The following ARMH3 variants were observed in gnomAD, a reference collection of about 807,000 sequenced individuals.
ARMH3 encodes armadillo-like helical domain-containing protein 3.
Under a neutral mutation model 99.1 loss-of-function variants are expected in ARMH3, and 60 were observed. The ratio of observed to expected loss-of-function variants is 0.61; its 90% CI spans 0.49 to 0.75. The LOEUF is 0.75. ARMH3 is among the 30% of genes least tolerant of loss of function. ARMH3 has a pLI of 0.00. For synonymous variants in ARMH3, 285 were observed against 292.8 expected (o/e 0.97, Z 0.27); for missense variants, 679 against 843.1 (o/e 0.81, Z 2.41).
At chr10:102,023,809 T>C (rs2136169574) in intron 6 of ARMH3, 60 bp from the exon 7 acceptor site, 2 of 1,456,262 alleles carry the variant, frequency 1.4e-6, no homozygotes, top group Non-Finnish European at 1.9e-6. Context: ...TCTTGTGTAA[T>C]CTCCTCCCCT....
chr10:101,950,095 G>A (rs925822751), intron 22 of ARMH3, among the ~76,000 whole-genome samples: 1 of 152,120 alleles, frequency 6.6e-6, no homozygotes, highest in Non-Finnish European at 1.5e-5. Flanking sequence ...TTGGACACAA[G>A]GCAAGTATGT....
Position 101,905,510 on chromosome 10 carries a change from A to C in ARMH3, c.1782-16020T>G, listed in dbSNP as rs573402387. 4.6e-5 allele frequency among the ~76,000 whole-genome samples: 7 copies of C among 152,372 alleles called. No individual in the cohort carries two copies. The South Asian group carries it at 1.4e-3, about 32-fold the overall frequency. Reference sequence around the variant, plus strand: ...ATCCAGGAAGCTTTCAAGGAAGGTTACATCTGGGCTAGATTTTGAAGCATA... The same window carrying C: ...ATCCAGGAAGCTTTCAAGGAAGGTTCCATCTGGGCTAGATTTTGAAGCATA... On this transcript the variant is annotated intron_variant, in intron 23 of 25. Transcript: ENST00000370033.
chr10:101,903,839 T>A (rs190223593), intron 23 of ARMH3, among the ~76,000 whole-genome samples: 41 of 152,344 alleles, frequency 2.7e-4, no homozygotes, highest in African/African-American at 9.1e-4. Flanking sequence ...CCTCTGCCTG[T>A]TGGGGTCCTG....
rs193041298 is a variant in ARMH3, at chr10:102,032,494, G to A, written c.306+532C>T. ...CGGCTCACTGCAACCTCCGCCTCCC[G>A]AGTTCAAGCAATTCTCCTGCCTCAA... On this transcript the variant is annotated intron_variant, in intron 4 of 25. Transcript: ENST00000370033. Among the ~76,000 whole-genome samples the A allele has an allele frequency of 1.4e-4, 22 of 152,196 alleles. No individual in the cohort carries two copies. The South Asian group carries it at 2.7e-3, about 19-fold the overall frequency.
chr10:102,048,968 T>G (rs1291164295), intron 1 of ARMH3, among the ~76,000 whole-genome samples: 1 of 152,160 alleles, frequency 6.6e-6, no homozygotes, highest in African/African-American at 2.4e-5. Flanking sequence ...GCCCCAGCCC[T>G]TCAAGCTATC....
At chr10:101,932,747 G>A (rs1843773397) in intron 23 of ARMH3, among the ~76,000 whole-genome samples, 1 of 152,202 alleles carries the variant, frequency 6.6e-6, no homozygotes, top group Non-Finnish European at 1.5e-5. Context: ...ATAATAGCCA[G>A]AGGCTGGGAG....
chr10:101,921,884 T>C (rs1289926232), intron 23 of ARMH3, among the ~76,000 whole-genome samples: 1 of 152,144 alleles, frequency 6.6e-6, no homozygotes, highest in African/African-American at 2.4e-5. Flanking sequence ...ATATAACATA[T>C]AGTTAGATAG....
chr10:101,999,743 A>C (rs1313037888), intron 15 of ARMH3, among the ~76,000 whole-genome samples: 1 of 152,272 alleles, frequency 6.6e-6, no homozygotes, highest in African/African-American at 2.4e-5. Flanking sequence ...TACATGTTAA[A>C]ATATTTATGT....
intron 20 of ARMH3, among the ~76,000 whole-genome samples, chr10:101,971,926 G>C (rs1194849777): frequency 6.6e-6 from 1 of 152,188 alleles, no homozygotes; most frequent in East Asian, 1.9e-4. Flanking sequence ...TCTATATGTG[G>C]TGAAAAACAG....
intron 24 of ARMH3, among the ~76,000 whole-genome samples, chr10:101,857,964 C>A (rs1047597369): frequency 2.0e-5 from 3 of 152,210 alleles, no homozygotes; most frequent in African/African-American, 2.4e-5. Context: ...CTGTCCCTAA[C>A]CTTGCAATTT....
At chr10:101,960,698 G>T (rs966404981) in intron 20 of ARMH3, among the ~76,000 whole-genome samples, 1 of 151,894 alleles carries the variant, frequency 6.6e-6, no homozygotes, top group Non-Finnish European at 1.5e-5. Flanking sequence ...AGACCAGCCC[G>T]GCCAAGATGG....
At chr10:101,951,598 G>A (rs1030060804) in intron 22 of ARMH3, among the ~76,000 whole-genome samples, 1 of 152,008 alleles carries the variant, frequency 6.6e-6, no homozygotes, top group Non-Finnish European at 1.5e-5. Flanking sequence ...CAGGCACAGT[G>A]GCTCACACCT....
intron 23 of ARMH3, among the ~76,000 whole-genome samples, chr10:101,935,561 T>G (rs1481966072): frequency 6.6e-6 from 1 of 152,160 alleles, no homozygotes; most frequent in Non-Finnish European, 1.5e-5. Flanking sequence ...AGACACTACC[T>G]TACAGTAGTC....
intron 2 of ARMH3, among the ~76,000 whole-genome samples, chr10:102,035,193 A>C (rs773900871): frequency 6.6e-6 from 1 of 151,938 alleles, no homozygotes; most frequent in Non-Finnish European, 1.5e-5. Flanking sequence ...TGGCTAACAC[A>C]GTGAAATAAA....
intron 24 of ARMH3, among the ~76,000 whole-genome samples, chr10:101,878,791 C>T (rs1031713717): frequency 6.6e-6 from 1 of 151,786 alleles, no homozygotes; most frequent in Admixed American, 6.6e-5. Context: ...TGTGTTACTG[C>T]ACTCCAGCCT....
intron 16 of ARMH3, among the ~76,000 whole-genome samples, chr10:101,993,814 AAAAATTTCCAAGC>A (rs1846925859): frequency 6.6e-6 from 1 of 152,228 alleles, no homozygotes; most frequent in African/African-American, 2.4e-5. Flanking sequence ...CTAACTGGTC[AAAAATTTCCAAGC>A]AAAAACAATA....
intron 20 of ARMH3, among the ~76,000 whole-genome samples, chr10:101,963,113 G>A: frequency 6.7e-6 from 1 of 149,874 alleles, no homozygotes; most frequent in Admixed American, 6.6e-5. Flanking sequence ...GGGATTACAG[G>A]AACCCATCAC....
chr10:101,871,646 G>A (rs1282328884), intron 24 of ARMH3, among the ~76,000 whole-genome samples: 1 of 152,132 alleles, frequency 6.6e-6, no homozygotes, highest in Non-Finnish European at 1.5e-5. Context: ...CATAAAAAAG[G>A]TTAATTTGAA....
chr10:101,849,809 C>T lies in ARMH3; in HGVS notation c.1944G>A (p.Glu648=). 5.6e-6 allele frequency: 9 copies of T among 1,614,178 alleles called. No individual in the cohort carries two copies. Among genetic ancestry groups the T allele is most frequent in the Non-Finnish European group, 7.6e-6 (9 of 1,180,026 alleles). ...TGAAGAAGGCAGCTTCCTTGTGCTG[C>T]TCTGAGTAGCGCTCATACTGGTCCA... ...DGLDQYERYS[E]QHKEAAFFKE... The change falls in exon 25 of 26, where the codon GAG becomes GAA. Residue 648 remains glutamate, a synonymous_variant. Coordinates refer to ENST00000370033, the MANE Select transcript of ARMH3 (RefSeq NM_024541.3).
Sources: allele counts gnomAD v4.1 joint callset (sites outside exome capture counted in the v4.1 genomes callset), GRCh38; gene constraint gnomAD v4.1.1; transcripts MANE v1.5; gene names NCBI Gene and HGNC (gene_info 2026-07-23, HGNC 2026-07-21).